The following CDYL2 variants were observed in gnomAD, a reference collection of about 807,000 sequenced individuals.
The protein encoded by CDYL2 is chromodomain Y like 2.
CDYL2 carries 23 observed loss-of-function variants against 49.4 expected under a neutral mutation model. That is an observed-to-expected ratio of 0.47 (90% confidence interval 0.34 to 0.66). The LOEUF (loss-of-function observed/expected upper bound fraction) is 0.66. Among genes scored for constraint, CDYL2 ranks in the 30% least tolerant of loss-of-function variants. The pLI is 0.01. For synonymous variants in CDYL2, 360 were observed against 268.8 expected (o/e 1.34, Z -3.32); for missense variants, 678 against 656.4 (o/e 1.03, Z -0.36).
intron 1 of CDYL2, among the ~76,000 whole-genome samples, chr16:80,712,692 G>A (rs543218021): frequency 1.3e-5 from 2 of 152,252 alleles, no homozygotes; most frequent in South Asian, 4.2e-4. Context: ...GGGTAACACA[G>A]CCCTAAGCTA....
At chr16:80,759,278 T>C (rs952186028) in intron 1 of CDYL2, among the ~76,000 whole-genome samples, 2 of 151,520 alleles carry the variant, frequency 1.3e-5, no homozygotes, top group African/African-American at 4.8e-5. Flanking sequence ...TGGGTATATT[T>C]GTGCCTTTTG....
intron 1 of CDYL2, among the ~76,000 whole-genome samples, chr16:80,793,161 C>T (rs1003115127): frequency 6.6e-6 from 1 of 152,288 alleles, no homozygotes; most frequent in Non-Finnish European, 1.5e-5. Context: ...CAGTATATCT[C>T]AAACTAGGCC....
intron 2 of CDYL2, among the ~76,000 whole-genome samples, chr16:80,642,116 T>G (rs1431191286): frequency 6.6e-6 from 1 of 151,922 alleles, no homozygotes; most frequent in African/African-American, 2.4e-5. Context: ...GAAACAGAAG[T>G]TGAAAAGCAG....
At chr16:80,757,026 A>G (rs921784940) in intron 1 of CDYL2, among the ~76,000 whole-genome samples, 1 of 152,186 alleles carries the variant, frequency 6.6e-6, no homozygotes, top group African/African-American at 2.4e-5. Context: ...CATTAAAACC[A>G]TGGGTAAGAC....
chr16:80,618,471 A>G (rs1448820346), intron 4 of CDYL2, among the ~76,000 whole-genome samples: 1 of 152,200 alleles, frequency 6.6e-6, no homozygotes, highest in Non-Finnish European at 1.5e-5. Flanking sequence ...AAATGCAGGG[A>G]TAGGTCAAGG....
chr16:80,718,874 G>C (rs1044476719), intron 1 of CDYL2, among the ~76,000 whole-genome samples: 1 of 152,226 alleles, frequency 6.6e-6, no homozygotes, highest in African/African-American at 2.4e-5. Context: ...TAGAGACACA[G>C]GGAGGCCACT....
chr16:80,685,196 C>A lies in CDYL2; in HGVS notation c.25-67G>T, dbSNP rs140000586. ...GAGGAAAAAACTCAGTTCGAGGCAA[C>A]AAGAACACCATAAAGCCTTTGGGAT... On this transcript the variant is annotated intron_variant, in intron 1 of 6. Coordinates refer to ENST00000570137, the MANE Select transcript of CDYL2 (RefSeq NM_152342.4). 1,353 of 1,237,096 alleles carry A rather than the reference C, an allele frequency of 1.1e-3. 9 individuals are homozygous for A. In the African/African-American group the frequency reaches 0.018, roughly 16 times the overall value. 76.6% of individuals were successfully genotyped at this position (1,237,096 alleles called of 1,614,324 possible). A position where few individuals can be genotyped will look rare whatever the true frequency, so the allele number is the denominator to read the frequency against.
At chr16:80,634,844 T>C (rs1907744558) in intron 2 of CDYL2, among the ~76,000 whole-genome samples, 1 of 152,096 alleles carries the variant, frequency 6.6e-6, no homozygotes, top group African/African-American at 2.4e-5. Flanking sequence ...ATTGAATCAA[T>C]AATTAATAAG....
chr16:80,748,754 T>A (rs940457502), intron 1 of CDYL2, among the ~76,000 whole-genome samples: 1 of 152,040 alleles, frequency 6.6e-6, no homozygotes, highest in Admixed American at 6.5e-5. Context: ...CTCATCCTCA[T>A]CTCTACCCCC....
intron 2 of CDYL2, among the ~76,000 whole-genome samples, chr16:80,635,281 C>G (rs1295638378): frequency 6.6e-6 from 1 of 152,206 alleles, no homozygotes; most frequent in Non-Finnish European, 1.5e-5. Context: ...CCAATTGTCT[C>G]TGTTTGCAGA....
At chr16:80,609,162 T>A (rs1906481482) in intron 5 of CDYL2, among the ~76,000 whole-genome samples, 1 of 152,090 alleles carries the variant, frequency 6.6e-6, no homozygotes, top group African/African-American at 2.4e-5. Flanking sequence ...TCATACAAGG[T>A]CTGGGAGGAG....
chr16:80,630,153 T>A (rs144055670), intron 3 of CDYL2, among the ~76,000 whole-genome samples: 1 of 152,196 alleles, frequency 6.6e-6, no homozygotes, highest in African/African-American at 2.4e-5. Flanking sequence ...CTCACCCACA[T>A]ACTCAATCCC....
At chr16:80,788,271 A>G (rs1013174997) in intron 1 of CDYL2, among the ~76,000 whole-genome samples, 2 of 152,180 alleles carry the variant, frequency 1.3e-5, no homozygotes, top group Non-Finnish European at 1.5e-5. Flanking sequence ...CACCATCACA[A>G]TTACTAAGAT....
At chr16:80,616,813 C>T (rs80341442) in intron 4 of CDYL2, among the ~76,000 whole-genome samples, 6,900 of 152,320 alleles carry the variant, frequency 0.045, 427 homozygotes, top group East Asian at 0.21. Flanking sequence ...GAGTGTTTCA[C>T]ACAGAGTATC....
At chr16:80,736,273 T>C (rs1053795941) in intron 1 of CDYL2, 3 of 152,280 alleles carry the variant, frequency 2.0e-5, no homozygotes, top group Admixed American at 6.5e-5. Context: ...CTGTTCTCGT[T>C]TCTAACGGCA....
intron 1 of CDYL2, among the ~76,000 whole-genome samples, chr16:80,729,011 A>T (rs2142536469): frequency 6.6e-6 from 1 of 152,232 alleles, no homozygotes. Flanking sequence ...CAAAATGTAA[A>T]GACCATCGAG....
At chr16:80,615,880 C>A (rs934822321) in intron 4 of CDYL2, among the ~76,000 whole-genome samples, 2 of 152,190 alleles carry the variant, frequency 1.3e-5, no homozygotes, top group African/African-American at 4.8e-5. Flanking sequence ...TCTCTCACCT[C>A]GGGCAGTAGA....
Position 80,676,961 on chromosome 16 carries a change from G to GTCTTTTT in CDYL2, c.616+7576_616+7577insAAAAAGA, listed in dbSNP as rs1407459686. Among the ~76,000 whole-genome samples the GTCTTTTT allele has an allele frequency of 1.4e-4, 15 of 110,518 alleles. 3 individuals are homozygous for GTCTTTTT. Among genetic ancestry groups the GTCTTTTT allele is most frequent in the Non-Finnish European group, 9.3e-5 (5 of 53,550 alleles). The allele number at this position is 110,518 out of a possible 152,430, so 72.5% of individuals were successfully genotyped here. On this transcript the variant is annotated intron_variant, in intron 2 of 6. Transcript: ENST00000570137. ...AGGACTTTTTAACAACCAATTCAATGTATTTTTTTTTTTTTTTTTTTTTTT... is the reference window on the plus strand; with the variant it reads ...AGGACTTTTTAACAACCAATTCAATGTCTTTTTTATTTTTTTTTTTTTTTTTTTTTTT...
intron 1 of CDYL2, among the ~76,000 whole-genome samples, chr16:80,767,013 C>T (rs896821538): frequency 3.3e-5 from 5 of 152,124 alleles, no homozygotes; most frequent in Admixed American, 6.5e-5. Flanking sequence ...GGAAAGCTTG[C>T]CAATGCTGAC....
Sources: allele counts gnomAD v4.1 joint callset (sites outside exome capture counted in the v4.1 genomes callset), GRCh38; gene constraint gnomAD v4.1.1; transcripts MANE v1.5; gene names NCBI Gene and HGNC (gene_info 2026-07-23, HGNC 2026-07-21).